Variants in XYLT1 observed in about 807,000 individuals in gnomAD.
XYLT1 encodes beta-D-xylosyltransferase 1.
XYLT1 carries 36 observed loss-of-function variants against 91.3 expected under a neutral mutation model. The ratio of observed to expected loss-of-function variants is 0.39; its 90% confidence interval spans 0.30 to 0.52. The LOEUF (loss-of-function observed/expected upper bound fraction) is 0.52. XYLT1 is among the 20% of genes least tolerant of loss of function. The probability of loss-of-function intolerance (pLI) is 0.68; values close to 1 mark genes in which losing one functional copy is unlikely to be tolerated. For missense variants in XYLT1, 1,242 were observed against 1,284.5 expected, an observed-to-expected ratio of 0.97 and a Z score of 0.51; for synonymous variants, 588 against 532.0, an observed-to-expected ratio of 1.11 and a Z score of -1.45.
At chr16:17,448,008 G>A (rs77260818) in intron 1 of XYLT1, among the ~76,000 whole-genome samples, 1 of 152,304 alleles carries the variant, frequency 6.6e-6, no homozygotes, top group East Asian at 1.9e-4. Flanking sequence ...AAACATTAAG[G>A]AAACATACAC....
intron 1 of XYLT1, among the ~76,000 whole-genome samples, chr16:17,376,247 TAG>T (rs1297246709): frequency 6.6e-6 from 1 of 152,078 alleles, no homozygotes; most frequent in African/African-American, 2.4e-5. Flanking sequence ...ACCTAGAGGG[TAG>T]AGACAGGGAT....
intron 3 of XYLT1, among the ~76,000 whole-genome samples, chr16:17,256,763 T>C (rs2033639474): frequency 6.6e-6 from 1 of 152,010 alleles, no homozygotes; most frequent in Non-Finnish European, 1.5e-5. Flanking sequence ...ATCAAGAGAG[T>C]TGGGTGAATT....
At chr16:17,384,917 A>G (rs2035728422) in intron 1 of XYLT1, among the ~76,000 whole-genome samples, 1 of 151,848 alleles carries the variant, frequency 6.6e-6, no homozygotes, top group African/African-American at 2.4e-5. Context: ...TCATGGAGAA[A>G]GCAAAAAATC....
At chr16:17,400,625 AAGGG>A (rs1256667300) in intron 1 of XYLT1, among the ~76,000 whole-genome samples, 1 of 108,888 alleles carries the variant, frequency 9.2e-6, no homozygotes, top group Admixed American at 9.1e-5. Flanking sequence ...GGGAGGGAGG[AAGGG>A]AGGAAGGAAG....
chr16:17,207,157 A>C (rs536994548), intron 3 of XYLT1, among the ~76,000 whole-genome samples: 1 of 148,896 alleles, frequency 6.7e-6, no homozygotes, highest in African/African-American at 2.5e-5. Flanking sequence ...TCCCAGGTTC[A>C]AGCAATTCTT....
intron 2 of XYLT1, among the ~76,000 whole-genome samples, chr16:17,335,694 CAA>C (rs34629667): frequency 7.2e-5 from 9 of 125,440 alleles, no homozygotes; most frequent in Admixed American, 1.6e-4. Context: ...AACTCCATCT[CAA>C]AAAAAAAAAA....
At chr16:17,203,708 T>G (rs1160308786) in intron 3 of XYLT1, among the ~76,000 whole-genome samples, 1 of 152,130 alleles carries the variant, frequency 6.6e-6, no homozygotes, top group South Asian at 2.1e-4. Flanking sequence ...ATCTAACTAC[T>G]CATCTGTCCA....
intron 1 of XYLT1, among the ~76,000 whole-genome samples, chr16:17,449,450 C>T (rs983993123): frequency 4.6e-5 from 7 of 152,224 alleles, no homozygotes; most frequent in South Asian, 4.1e-4. Context: ...TGGAAGAGGG[C>T]GCCTCCCCTG....
intron 2 of XYLT1, among the ~76,000 whole-genome samples, chr16:17,308,445 T>C (rs2034498397): frequency 6.6e-6 from 1 of 152,144 alleles, no homozygotes; most frequent in African/African-American, 2.4e-5. Flanking sequence ...TTACTTCCCT[T>C]CTCCTTAGAA....
At chr16:17,196,501 A>G (rs1026673476) in intron 5 of XYLT1, among the ~76,000 whole-genome samples, 1 of 152,236 alleles carries the variant, frequency 6.6e-6, no homozygotes, top group Non-Finnish European at 1.5e-5. Context: ...GTCCAGATAC[A>G]AGAACAATGG....
intron 1 of XYLT1, among the ~76,000 whole-genome samples, chr16:17,375,481 A>AACACACACAC (rs71137985): frequency 0.026 from 3,813 of 147,510 alleles, 158 homozygotes; most frequent in African/African-American, 0.087. Flanking sequence ...TAACATTTAA[A>AACACACACAC]ACACACACAC....
intron 2 of XYLT1, among the ~76,000 whole-genome samples, chr16:17,291,546 A>G (rs1030367116): frequency 7.2e-5 from 11 of 151,956 alleles, no homozygotes; most frequent in Admixed American, 2.6e-4. Flanking sequence ...ACCCACCTCA[A>G]TTTTCCCAGC....
intron 3 of XYLT1, among the ~76,000 whole-genome samples, chr16:17,239,973 G>A (rs528490309): frequency 2.6e-5 from 4 of 152,270 alleles, no homozygotes; most frequent in African/African-American, 9.6e-5. Context: ...GTACCAGGTG[G>A]TGTAAGTAGT....
chr16:17,284,715 G>C (rs1464398263), intron 2 of XYLT1, among the ~76,000 whole-genome samples: 2 of 152,190 alleles, frequency 1.3e-5, no homozygotes, highest in African/African-American at 4.8e-5. Flanking sequence ...CCAGGAGTTC[G>C]AGGCTGCAGT....
chr16:17,326,384 C>A, intron 2 of XYLT1, among the ~76,000 whole-genome samples: 1 of 152,144 alleles, frequency 6.6e-6, no homozygotes, highest in East Asian at 1.9e-4. Flanking sequence ...GTAACTCCCT[C>A]TTTTTGGCTT....
intron 1 of XYLT1, among the ~76,000 whole-genome samples, chr16:17,388,391 C>A (rs1325240908): frequency 6.6e-6 from 1 of 152,040 alleles, no homozygotes; most frequent in Non-Finnish European, 1.5e-5. Context: ...ATGTAGAGGA[C>A]CAGAGAGAGT....
intron 1 of XYLT1, chr16:17,446,131 A>C (rs1342615898): frequency 6.6e-6 from 1 of 152,220 alleles, no homozygotes; most frequent in Non-Finnish European, 1.5e-5. Flanking sequence ...CCTGCTATTT[A>C]ATATAGGTGA....
rs1460168557 is a variant in XYLT1 at position 17,134,519 on chromosome 16, G to A, written c.1981C>T (p.Arg661Ter). 3 of 1,614,132 alleles carry A rather than the reference G, an allele frequency of 1.9e-6. No individual in the cohort carries two copies. The highest frequency in any genetic ancestry group is 2.5e-6 in the Non-Finnish European group (3 of 1,180,040). The part of the protein sequence containing the change: ...LYHSFARLGL[R>*]RAETSLHTDG... ...GTGTGCAGGGACGTCTCGGCCCGTC[G>A]AAGACCCAGGCGGGCAAAGGAGTGG... Residue 661 changes from arginine (R) to a stop codon, truncating the protein, a stop_gained, in exon 9 of 12, where the codon CGA becomes TGA. Transcript: ENST00000261381. LOFTEE classifies it high-confidence loss of function.
chr16:17,286,680 C>T (rs2034145165), intron 2 of XYLT1, among the ~76,000 whole-genome samples: 1 of 152,196 alleles, frequency 6.6e-6, no homozygotes, highest in Non-Finnish European at 1.5e-5. Context: ...TCATCATCCT[C>T]ATCATCATCC....
Sources: gnomAD v4.1 joint callset for allele counts (sites outside exome capture counted in the v4.1 genomes callset) on GRCh38, gnomAD v4.1.1 for gene constraint, MANE v1.5 for transcripts, NCBI Gene and HGNC (gene_info 2026-07-23, HGNC 2026-07-21) for gene names.